Variants in ULK4 observed in about 807,000 individuals in gnomAD.
ULK4 encodes the protein inactive serine/threonine-protein kinase ULK4.
In ULK4, 133 loss-of-function variants were observed where a neutral mutation model predicts 160.6. The observed-to-expected ratio is 0.83, with a 90% CI of 0.72 to 0.96. ULK4 has a LOEUF of 0.96. Among genes scored for constraint, ULK4 ranks in the 40% least tolerant of loss-of-function variants. ULK4 has a pLI of 0.00. For synonymous variants in ULK4, 534 were observed against 539.8 expected (o/e 0.99, Z 0.15); for missense variants, 1,580 against 1,499.5 (o/e 1.05, Z -0.89).
intron 34 of ULK4, among the ~76,000 whole-genome samples, chr3:41,447,239 A>G (rs1024178729): frequency 6.6e-6 from 1 of 152,098 alleles, no homozygotes; most frequent in Non-Finnish European, 1.5e-5. Context: ...GGTCTGTCCC[A>G]TTGCCCTAGT....
chr3:41,483,048 T>C (rs905119551), intron 32 of ULK4, among the ~76,000 whole-genome samples: 4 of 152,190 alleles, frequency 2.6e-5, no homozygotes, highest in South Asian at 2.1e-4. Flanking sequence ...TTTTTAAATA[T>C]ACAATTTAAT....
intron 34 of ULK4, among the ~76,000 whole-genome samples, chr3:41,406,965 A>G (rs910756257): frequency 6.6e-6 from 1 of 152,164 alleles, no homozygotes; most frequent in Admixed American, 6.5e-5. Context: ...TTCCAGGCCT[A>G]TGTGCAGGGA....
At chr3:41,798,758 C>T (rs1243925486) in intron 20 of ULK4, among the ~76,000 whole-genome samples, 1 of 148,092 alleles carries the variant, frequency 6.8e-6, no homozygotes, top group East Asian at 2.0e-4. Context: ...GTTGAGGGGG[C>T]AGGGGTGGTA....
intron 21 of ULK4, 59 bp downstream of exon 21, chr3:41,789,602 C>A (rs974589658): frequency 4.8e-6 from 7 of 1,447,464 alleles, no homozygotes; most frequent in Admixed American, 2.5e-5. Context: ...TGTGGAACCA[C>A]TAAAATGCAG....
chr3:41,880,056 G>A (rs1697457022), intron 17 of ULK4, among the ~76,000 whole-genome samples: 4 of 152,116 alleles, frequency 2.6e-5, no homozygotes. Flanking sequence ...GGTGACAGAG[G>A]TTGCAGTGAG....
At chr3:41,276,560 C>T (rs964799467) in intron 35 of ULK4, among the ~76,000 whole-genome samples, 1 of 152,228 alleles carries the variant, frequency 6.6e-6, no homozygotes, top group African/African-American at 2.4e-5. Context: ...TGAAACAGCT[C>T]TTTGTCTTCA....
Position 41,338,910 on chromosome 3 carries a change from C to T in ULK4, c.3678+59169G>A, listed in dbSNP as rs528969359. Among the ~76,000 whole-genome samples the T allele has an allele frequency of 5.4e-4, 82 of 151,962 alleles. No homozygotes were observed. The South Asian group carries it at 0.012, about 22-fold the overall frequency. On this transcript the variant is annotated intron_variant, in intron 35 of 36. Transcript: ENST00000301831. ...AAGCAGTCAAGTAAAGAGAGTGAAT[C>T]CTCCCTTCTCCCACCTTTTTGTTCT...
chr3:41,911,454 C>G (rs895129296), intron 10 of ULK4, 68 bp from the exon 11 acceptor site: 4 of 1,592,230 alleles, frequency 2.5e-6, no homozygotes, highest in African/African-American at 1.3e-5. Flanking sequence ...ATAACGTACA[C>G]AAAGATTTAA....
intron 33 of ULK4, 127 bp from the exon 34 acceptor site, chr3:41,455,722 T>C (rs745453860): frequency 1.1e-5 from 8 of 716,070 alleles, no homozygotes; most frequent in South Asian, 1.7e-5. Flanking sequence ...TTCCCAAGGA[T>C]GGAATAGATG....
chr3:41,594,931 G>A (rs1360561598), intron 31 of ULK4, among the ~76,000 whole-genome samples: 1 of 151,916 alleles, frequency 6.6e-6, no homozygotes, highest in Non-Finnish European at 1.5e-5. Flanking sequence ...AAGAAAGGCC[G>A]ATCCCAGACT....
At chr3:41,576,625 A>C (rs890835480) in intron 31 of ULK4, among the ~76,000 whole-genome samples, 1 of 152,238 alleles carries the variant, frequency 6.6e-6, no homozygotes, top group Non-Finnish European at 1.5e-5. Context: ...TTTATTGAGC[A>C]CCTAAAATTT....
chr3:41,383,974 A>T (rs2081737203), intron 35 of ULK4, among the ~76,000 whole-genome samples: 1 of 152,214 alleles, frequency 6.6e-6, no homozygotes. Flanking sequence ...AAAATTTTAT[A>T]GTTTTTACCC....
intron 30 of ULK4, among the ~76,000 whole-genome samples, chr3:41,663,196 G>C (rs996580096): frequency 6.6e-6 from 1 of 151,840 alleles, no homozygotes; most frequent in Non-Finnish European, 1.5e-5. Flanking sequence ...ACTACAGCCT[G>C]GGTGACAGAG....
At chr3:41,918,663 G>A (rs182033558) in intron 6 of ULK4, 123 bp from the exon 7 acceptor site, 280 of 481,408 alleles carry the variant, frequency 5.8e-4, no homozygotes, top group Middle Eastern at 3.0e-3. Context: ...GTGCAGTGGC[G>A]CAATCTCGGC....
At chr3:41,663,290 AT>A (rs2035245542) in intron 30 of ULK4, among the ~76,000 whole-genome samples, 1 of 152,162 alleles carries the variant, frequency 6.6e-6, no homozygotes, top group Admixed American at 6.5e-5. Context: ...TACTATTGAG[AT>A]TTAATAAACT....
chr3:41,418,641 T>C (rs1314989538), intron 34 of ULK4, among the ~76,000 whole-genome samples: 1 of 151,856 alleles, frequency 6.6e-6, no homozygotes, highest in African/African-American at 2.4e-5. Flanking sequence ...TTTTAATCTA[T>C]CTCATGTCAA....
chr3:41,606,580 C>A (rs1314398871), intron 31 of ULK4, among the ~76,000 whole-genome samples: 1 of 151,726 alleles, frequency 6.6e-6, no homozygotes, highest in African/African-American at 2.4e-5. Flanking sequence ...TAATTTGTAC[C>A]CCCATTAACA....
chr3:41,953,251 C>CATAT (rs1413709436), intron 2 of ULK4, among the ~76,000 whole-genome samples: 98 of 134,716 alleles, frequency 7.3e-4, no homozygotes, highest in Non-Finnish European at 1.3e-3. Context: ...TATATATACA[C>CATAT]ATACATATAT....
chr3:41,947,160 T>C (rs1483197550), intron 2 of ULK4, among the ~76,000 whole-genome samples: 4 of 152,078 alleles, frequency 2.6e-5, no homozygotes, highest in Non-Finnish European at 5.9e-5. Context: ...ACCCCGTCTC[T>C]ACTAAAAATA....
Sources: gnomAD v4.1 joint callset for allele counts (sites outside exome capture counted in the v4.1 genomes callset) on GRCh38, gnomAD v4.1.1 for gene constraint, MANE v1.5 for transcripts, NCBI Gene and HGNC (gene_info 2026-07-23, HGNC 2026-07-21) for gene names.